The following DMGDH variants were observed in gnomAD, a reference collection of about 807,000 sequenced individuals.
The protein encoded by DMGDH is dimethylglycine dehydrogenase.
Under a neutral mutation model 95.2 loss-of-function variants are expected in DMGDH, and 76 were observed. The ratio of observed to expected loss-of-function variants is 0.80; its 90% confidence interval spans 0.66 to 0.97. The LOEUF is 0.97. DMGDH is among the 50% of genes least tolerant of loss of function. The pLI, the probability that DMGDH is intolerant of heterozygous loss-of-function variation, is 0.00. For synonymous variants in DMGDH, 345 were observed against 377.6 expected, an observed-to-expected ratio of 0.91 and a Z score of 1.00; for missense variants, 987 against 1,055.0, an observed-to-expected ratio of 0.94 and a Z score of 0.89.
intron 14 of DMGDH, among the ~76,000 whole-genome samples, chr5:79,023,586 G>T (rs1056112589): frequency 6.6e-6 from 1 of 152,170 alleles, no homozygotes; most frequent in Non-Finnish European, 1.5e-5. Context: ...TCTAGGGTGG[G>T]ACCTGAGAAT....
chr5:79,010,834 A>G (rs1360984645), intron 14 of DMGDH, among the ~76,000 whole-genome samples: 1 of 152,170 alleles, frequency 6.6e-6, no homozygotes, highest in Non-Finnish European at 1.5e-5. Flanking sequence ...TGTGTCTTAT[A>G]GGCGGGGAAG....
At chr5:79,011,554 T>C (rs1580185717) in intron 14 of DMGDH, among the ~76,000 whole-genome samples, 1 of 152,316 alleles carries the variant, frequency 6.6e-6, no homozygotes. Flanking sequence ...TATAAAGAAA[T>C]ACCTGAGACT....
chr5:79,018,090 C>T (rs1753773774), intron 14 of DMGDH, among the ~76,000 whole-genome samples: 3 of 152,202 alleles, frequency 2.0e-5, no homozygotes, highest in African/African-American at 7.2e-5. Context: ...CTCAGTTGCC[C>T]TGGCTGGAGT....
chr5:79,055,774 C>T (rs768995020), intron 3 of DMGDH, 36 bp downstream of exon 3: 107 of 1,372,972 alleles, frequency 7.8e-5, no homozygotes, highest in Middle Eastern at 5.3e-4. Flanking sequence ...TCTGAGAAGC[C>T]GACCTAACAG....
At chr5:79,042,258 T>A (rs1754530297) in intron 7 of DMGDH, 25 bp downstream of exon 7, 1 of 1,602,372 alleles carries the variant, frequency 6.2e-7, no homozygotes, top group Non-Finnish European at 8.6e-7. Context: ...CTACAATAAA[T>A]GTTGAATTAC....
rs758657762 is a variant in DMGDH at position 79,063,656 on chromosome 5, A to G, written c.233T>C (p.Leu78Pro). 3 of 1,614,220 alleles carry G rather than the reference A, an allele frequency of 1.9e-6. No individual in the cohort carries two copies. The South Asian group carries it at 3.3e-5, about 18-fold the overall frequency. Residue 78 changes from leucine to proline, a missense_variant, in exon 2 of 16, where the codon CTG becomes CCG. Transcript: ENST00000255189. ...LAKAGMKDVV[L>P]LEKSELTAGS... is the part of the protein sequence containing the mutation. ...AGCCGTGAGCTCTGATTTCTCCAGC[A>G]GGACCACATCTTTCATCCCTGCTTT...
chr5:79,049,926 CTT>C (rs951264592), intron 5 of DMGDH, among the ~76,000 whole-genome samples: 1 of 152,068 alleles, frequency 6.6e-6, no homozygotes, highest in East Asian at 1.9e-4. Context: ...GAAGACATGA[CTT>C]TTTCTCTAGG....
chr5:79,047,895 T>G (rs1754727831), intron 5 of DMGDH, among the ~76,000 whole-genome samples: 1 of 152,130 alleles, frequency 6.6e-6, no homozygotes, highest in South Asian at 2.1e-4. Flanking sequence ...ATTAGAATCT[T>G]TTTGAAGCTT....
rs921226250 is a variant in DMGDH at position 79,005,275 on chromosome 5, T to C, written c.2383A>G (p.Lys795Glu). 1.9e-6 allele frequency: 3 copies of C among 1,613,532 alleles called. No homozygotes were observed. The African/African-American group carries it at 4.0e-5, about 22-fold the overall frequency. ...GCAGTGAGGTCCTCAGCACTCACCTTGCCATTGTACCAGATGCTTTCATTT... is the reference window on the plus strand; with the variant it reads ...GCAGTGAGGTCCTCAGCACTCACCTCGCCATTGTACCAGATGCTTTCATTT... ...EGNESIWYNGKVVGNTTSGSY... is the reference protein window; with the variant it reads ...EGNESIWYNGEVVGNTTSGSY... The change falls in exon 15 of 16, where the codon AAG becomes GAG. Residue 795 changes from lysine to glutamate, a missense_variant and splice_region_variant. Coordinates refer to ENST00000255189, the MANE Select transcript of DMGDH (RefSeq NM_013391.3).
chr5:79,021,869 G>C (rs1753875948), intron 14 of DMGDH, among the ~76,000 whole-genome samples: 1 of 152,176 alleles, frequency 6.6e-6, no homozygotes, highest in Non-Finnish European at 1.5e-5. Flanking sequence ...GCTCCACGAT[G>C]AGGTCAGAGG....
At position 79,054,335 on chromosome 5, in the gene DMGDH, T is replaced by A. The variant is rs781553087; in HGVS notation, c.389A>T (p.His130Leu). The stretch of plus-strand genomic sequence containing the variant: ...AGCAAGTCTGATACTACCTGGCTGA[T>A]GGAATCCCACCACCTGTGACAATAA... ...EEETGQVVGFHQPGSIRLATT... is the reference protein window; with the variant it reads ...EEETGQVVGFLQPGSIRLATT... The change falls in exon 4 of 16, where the codon CAT becomes CTT. Residue 130 changes from histidine (H) to leucine (L), a missense_variant. His to Leu is a moderately conservative substitution (Grantham distance 99). Transcript: ENST00000255189. 1.3e-5 allele frequency: 21 copies of A among 1,614,010 alleles called. No individual in the cohort carries two copies. Among genetic ancestry groups the A allele is most frequent in the Admixed American group, 1.2e-4 (7 of 59,986 alleles).
At position 79,054,180 on chromosome 5, in the gene DMGDH, A is replaced by C. The variant is rs754432501; in HGVS notation, c.540+4T>G. ...AATGGTAAAAATGCCCTTAAGATAAATACCTTATTCATGTTGAGTAAAGGG... is the reference window on the plus strand; with the variant it reads ...AATGGTAAAAATGCCCTTAAGATAACTACCTTATTCATGTTGAGTAAAGGG... On this transcript the variant is annotated splice_donor_region_variant and intron_variant, in intron 4 of 15. Transcript: ENST00000255189. 4 of 1,613,702 alleles carry C rather than the reference A, an allele frequency of 2.5e-6. No individual in the cohort carries two copies. The South Asian group carries it at 4.4e-5, about 18-fold the overall frequency.
In DMGDH at chr5:79,066,566, T is replaced by C. The variant is rs561564771; in HGVS notation, c.102-2779A>G. 1.4e-4 allele frequency among the ~76,000 whole-genome samples: 22 copies of C among 151,738 alleles called. No individual in the cohort carries two copies. In the East Asian group the frequency reaches 3.7e-3, roughly 25 times the overall value. On this transcript the variant is annotated intron_variant, in intron 1 of 15. Transcript: ENST00000255189. The stretch of plus-strand genomic sequence containing the variant: ...GCCTCAGCCTCCCAAAGTGCTGTGA[T>C]TACAGGTGTGAGCCACCACGCCCGG...
chr5:79,032,544 A>G, intron 9 of DMGDH, 143 bp downstream of exon 9: 1 of 1,188,838 alleles, frequency 8.4e-7, no homozygotes, highest in Non-Finnish European at 1.2e-6. Context: ...CACCACTGCC[A>G]GAGAGTAATT....
chr5:79,017,197 A>C (rs1753749443), intron 14 of DMGDH, among the ~76,000 whole-genome samples: 1 of 152,186 alleles, frequency 6.6e-6, no homozygotes, highest in Admixed American at 6.5e-5. Context: ...AAGAACTTTA[A>C]AATTCAAAAA....
chr5:79,000,765 T>G (rs1753438628), intron 15 of DMGDH: 1 of 634,776 alleles, frequency 1.6e-6, no homozygotes, highest in Non-Finnish European at 2.9e-6. Context: ...TTAAATATTT[T>G]GGGAGGAAAA....
intron 14 of DMGDH, among the ~76,000 whole-genome samples, chr5:79,013,071 C>T (rs1753672890): frequency 6.6e-6 from 1 of 152,176 alleles, no homozygotes; most frequent in African/African-American, 2.4e-5. Context: ...TGCACATTTT[C>T]CAAACTTTTA....
At chr5:79,060,687 G>A (rs2112672497) in intron 2 of DMGDH, among the ~76,000 whole-genome samples, 1 of 150,344 alleles carries the variant, frequency 6.7e-6, no homozygotes, top group African/African-American at 2.4e-5. Context: ...TTGGGAGGCC[G>A]AGCAGGGCAG....
intron 6 of DMGDH, among the ~76,000 whole-genome samples, chr5:79,044,073 G>C (rs1214160516): frequency 6.6e-6 from 1 of 152,210 alleles, no homozygotes; most frequent in African/African-American, 2.4e-5. Flanking sequence ...AGCTGGAAAT[G>C]TTACTTCAGC....
Sources: allele counts gnomAD v4.1 joint callset (sites outside exome capture counted in the v4.1 genomes callset), GRCh38; gene constraint gnomAD v4.1.1; transcripts MANE v1.5; gene names NCBI Gene and HGNC (gene_info 2026-07-23, HGNC 2026-07-21).